The following LDB2 variants were observed in gnomAD, a reference collection of about 807,000 sequenced individuals.
The protein encoded by LDB2 is LIM domain binding 2, also known as LIM domain-binding protein 2.
In LDB2, 12 loss-of-function variants were observed where a neutral mutation model predicts 44.3. The ratio of observed to expected loss-of-function variants is 0.27; its 90% confidence interval spans 0.17 to 0.44. LDB2 has a LOEUF of 0.44. Among genes scored for constraint, LDB2 ranks in the 20% least tolerant of loss-of-function variants. LDB2 has a pLI of 1.00. For missense variants in LDB2, 344 were observed against 473.5 expected, an observed-to-expected ratio of 0.73 and a Z score of 2.54; for synonymous variants, 164 against 174.8, an observed-to-expected ratio of 0.94 and a Z score of 0.49.
At chr4:16,798,866 T>A (rs891391924) in intron 1 of LDB2, among the ~76,000 whole-genome samples, 2 of 152,212 alleles carry the variant, frequency 1.3e-5, no homozygotes, top group Admixed American at 6.5e-5. Flanking sequence ...TTATTTATTT[T>A]TTGAGATGGA....
chr4:16,840,056 T>C (rs541658444), intron 1 of LDB2, among the ~76,000 whole-genome samples: 2 of 152,328 alleles, frequency 1.3e-5, no homozygotes, highest in Admixed American at 1.3e-4. Flanking sequence ...TCTATAGCCC[T>C]CCTCACTTTA....
At chr4:16,813,803 T>C (rs1047242822) in intron 1 of LDB2, among the ~76,000 whole-genome samples, 1 of 152,132 alleles carries the variant, frequency 6.6e-6, no homozygotes, top group East Asian at 1.9e-4. Flanking sequence ...ACATATCTGT[T>C]TGTTTTGTTC....
chr4:16,659,642 C>T lies in LDB2; in HGVS notation c.236-63767G>A, dbSNP rs908824294. ...CACACATACATAGTTTATATATATA[C>T]ACACACACATATGAGTATATCTATG... On this transcript the variant is annotated intron_variant, in intron 2 of 7. Coordinates refer to ENST00000304523, the MANE Select transcript of LDB2 (RefSeq NM_001290.5). Among the ~76,000 whole-genome samples the T allele has an allele frequency of 3.7e-5, 3 of 81,276 alleles. No individual in the cohort carries two copies. The Admixed American group carries it at 4.0e-4, about 11-fold the overall frequency. The allele number at this position is 81,276 out of a possible 152,430, so 53.3% of individuals were successfully genotyped here. A position where few individuals can be genotyped will look rare whatever the true frequency, so the allele number is the denominator to read the frequency against.
At chr4:16,722,911 G>A (rs908081950) in intron 2 of LDB2, among the ~76,000 whole-genome samples, 25 of 152,108 alleles carry the variant, frequency 1.6e-4, no homozygotes, top group African/African-American at 4.8e-4. Context: ...TGGTGTGAAA[G>A]CAATACATAT....
chr4:16,782,821 G>A (rs1773583195), intron 1 of LDB2, among the ~76,000 whole-genome samples: 1 of 152,086 alleles, frequency 6.6e-6, no homozygotes, highest in African/African-American at 2.4e-5. Flanking sequence ...CTGTTTTCTT[G>A]AACCTTGTTA....
intron 6 of LDB2, 143 bp from the exon 7 acceptor site, chr4:16,508,829 A>C: frequency 1.3e-6 from 1 of 764,794 alleles, no homozygotes. Context: ...AGCTTTAGAA[A>C]GAATAAAAGG....
intron 1 of LDB2, among the ~76,000 whole-genome samples, chr4:16,771,827 A>G (rs976426207): frequency 2.0e-5 from 3 of 151,610 alleles, no homozygotes; most frequent in Non-Finnish European, 4.4e-5. Context: ...CTCAGCCCCC[A>G]CTCCTGTTCC....
At chr4:16,776,699 G>C (rs1276199199) in intron 1 of LDB2, among the ~76,000 whole-genome samples, 2 of 152,230 alleles carry the variant, frequency 1.3e-5, no homozygotes, top group African/African-American at 4.8e-5. Context: ...TGAAAAAGAT[G>C]AATGAAATAT....
chr4:16,638,726 T>A (rs1395362688), intron 2 of LDB2, among the ~76,000 whole-genome samples: 14 of 152,238 alleles, frequency 9.2e-5, no homozygotes, highest in Admixed American at 9.2e-4. Context: ...TGCCAAGCAC[T>A]GTGCTGGGTA....
chr4:16,710,462 G>GA (rs1353413349), intron 2 of LDB2, among the ~76,000 whole-genome samples: 3 of 152,180 alleles, frequency 2.0e-5, no homozygotes, highest in Admixed American at 2.0e-4. Flanking sequence ...ATAATGATGT[G>GA]AAAATTACTG....
chr4:16,680,823 C>G (rs924524476), intron 2 of LDB2, among the ~76,000 whole-genome samples: 1 of 152,210 alleles, frequency 6.6e-6, no homozygotes, highest in African/African-American at 2.4e-5. Flanking sequence ...TACAATGCAA[C>G]ATGTCTGAAT....
intron 2 of LDB2, among the ~76,000 whole-genome samples, chr4:16,757,454 C>T (rs1208728249): frequency 6.6e-6 from 1 of 152,208 alleles, no homozygotes; most frequent in East Asian, 1.9e-4. Flanking sequence ...TCGTGATTCA[C>T]TCCCAAATGA....
chr4:16,819,297 T>G (rs558224657), intron 1 of LDB2, among the ~76,000 whole-genome samples: 1 of 152,170 alleles, frequency 6.6e-6, no homozygotes, highest in South Asian at 2.1e-4. Flanking sequence ...CTATATCTAA[T>G]TCATTTCGAA....
At chr4:16,681,281 G>A (rs900756143) in intron 2 of LDB2, among the ~76,000 whole-genome samples, 5 of 152,160 alleles carry the variant, frequency 3.3e-5, no homozygotes, top group African/African-American at 1.2e-4. Flanking sequence ...AAAGCTGAGA[G>A]GTGTCCCTGG....
chr4:16,632,944 C>G (rs191953847), intron 2 of LDB2, among the ~76,000 whole-genome samples: 217 of 152,234 alleles, frequency 1.4e-3, no homozygotes, highest in African/African-American at 5.0e-3. Context: ...TGGGCATATA[C>G]CCAAAGGATT....
At chr4:16,686,672 G>A (rs987143297) in intron 2 of LDB2, among the ~76,000 whole-genome samples, 1 of 152,158 alleles carries the variant, frequency 6.6e-6, no homozygotes, top group African/African-American at 2.4e-5. Context: ...GTACTAGCTT[G>A]TTCTTGACAT....
At chr4:16,581,007 A>G (rs1303747765) in intron 5 of LDB2, among the ~76,000 whole-genome samples, 2 of 152,194 alleles carry the variant, frequency 1.3e-5, no homozygotes, top group South Asian at 2.1e-4. Flanking sequence ...AATGATGGCA[A>G]TTTCAAACTG....
At chr4:16,823,774 CT>C (rs1157506662) in intron 1 of LDB2, among the ~76,000 whole-genome samples, 6 of 152,220 alleles carry the variant, frequency 3.9e-5, no homozygotes, top group South Asian at 2.1e-4. Flanking sequence ...ATCATCACCC[CT>C]GATGTTTGTT....
chr4:16,627,516 G>C (rs1342358309), intron 2 of LDB2, among the ~76,000 whole-genome samples: 1 of 152,062 alleles, frequency 6.6e-6, no homozygotes, highest in Non-Finnish European at 1.5e-5. Context: ...TTTTTTGGCT[G>C]CTATCTCTTA....
Sources: gnomAD v4.1 joint callset for allele counts (sites outside exome capture counted in the v4.1 genomes callset) on GRCh38, gnomAD v4.1.1 for gene constraint, MANE v1.5 for transcripts, NCBI Gene and HGNC (gene_info 2026-07-23, HGNC 2026-07-21) for gene names.